Variants in MYH13 observed in about 807,000 individuals in gnomAD.
MYH13 encodes myosin-13.
In MYH13, 177 loss-of-function variants were observed where a neutral mutation model predicts 232.1. That is an observed-to-expected ratio of 0.76 (90% CI 0.67 to 0.86). MYH13 has a LOEUF of 0.86. Among genes scored for constraint, MYH13 ranks in the 40% least tolerant of loss-of-function variants. The pLI, the probability that MYH13 is intolerant of heterozygous loss-of-function variation, is 0.00. For synonymous variants in MYH13, 884 were observed against 923.5 expected, an observed-to-expected ratio of 0.96 and a Z score of 0.78; for missense variants, 2,246 against 2,405.9, an observed-to-expected ratio of 0.93 and a Z score of 1.39.
intron 18 of MYH13, among the ~76,000 whole-genome samples, chr17:10,336,456 G>A (rs1597382552): frequency 6.6e-6 from 1 of 152,140 alleles, no homozygotes. Context: ...GAAATATGCT[G>A]TATCTTATGA....
chr17:10,372,180 A>T lies in MYH13; in HGVS notation c.-64+799T>A, dbSNP rs80066178. Among the ~76,000 whole-genome samples, 445 of 152,326 alleles carry T rather than the reference A, an allele frequency of 2.9e-3. 19 individuals carry two copies. In the East Asian group the frequency reaches 0.067, roughly 23 times the overall value. ...ATTTCTTAAAAAATTAAAGTATTACATACTATATTCTGAATCCTCAATTTA... is the reference window on the plus strand; with the variant it reads ...ATTTCTTAAAAAATTAAAGTATTACTTACTATATTCTGAATCCTCAATTTA... On this transcript the variant is annotated intron_variant, in intron 1 of 40. Coordinates refer to ENST00000252172, the MANE Select transcript of MYH13 (RefSeq NM_003802.3).
intron 39 of MYH13, among the ~76,000 whole-genome samples, chr17:10,302,448 G>C (rs1906127095): frequency 6.6e-6 from 1 of 152,138 alleles, no homozygotes; most frequent in African/African-American, 2.4e-5. Context: ...CTTCCACTTT[G>C]TAGAGTTGAT....
intron 11 of MYH13, 146 bp from the exon 12 acceptor site, chr17:10,350,840 A>T: frequency 2.0e-6 from 2 of 1,006,362 alleles, no homozygotes; most frequent in Non-Finnish European, 3.0e-6. Flanking sequence ...GATGTGGTAA[A>T]TTAGAAACCA....
Position 10,362,981 on chromosome 17 carries a change from C to T in MYH13, c.205-478G>A, listed in dbSNP as rs372920809. ...CTCAGCTCTAGCACCAACTCTTCCACGACCCATCTCCTCTCTCCCCTATTG... is the reference window on the plus strand; with the variant it reads ...CTCAGCTCTAGCACCAACTCTTCCATGACCCATCTCCTCTCTCCCCTATTG... On this transcript the variant is annotated intron_variant, in intron 3 of 40. Transcript: ENST00000252172. Among the ~76,000 whole-genome samples, 32 of 152,280 alleles carry T rather than the reference C, an allele frequency of 2.1e-4. No homozygotes were observed. In the South Asian group the frequency reaches 3.3e-3, roughly 16 times the overall value.
Position 10,319,066 on chromosome 17 carries a change from C to T in MYH13, c.3462G>A (p.Leu1154=). 1 of 1,614,166 alleles carries T rather than the reference C, an allele frequency of 6.2e-7. No homozygotes were observed. The highest frequency in any genetic ancestry group is 8.5e-7 in the Non-Finnish European group (1 of 1,180,038). ...ARELEEISER[L]EEASGATSAQ... ...CTGAAGTGGCCCCACTGGCTTCTTC[C>T]AGCCTCTCGCTGATCTCCTCCAGTT... The change falls in exon 27 of 41, where the codon CTG becomes CTA. Residue 1154 remains leucine (L), a synonymous_variant. Transcript: ENST00000252172.
chr17:10,372,107 C>T (rs2142155648), intron 1 of MYH13, among the ~76,000 whole-genome samples: 1 of 152,294 alleles, frequency 6.6e-6, no homozygotes, highest in South Asian at 2.1e-4. Flanking sequence ...CCTTCTCCGT[C>T]TTTAATGCAT....
At chr17:10,354,125 G>A (rs897264981) in intron 11 of MYH13, among the ~76,000 whole-genome samples, 4 of 152,310 alleles carry the variant, frequency 2.6e-5, no homozygotes, top group African/African-American at 9.6e-5. Flanking sequence ...CCTGGCACAT[G>A]TAAGTGCTCA....
At chr17:10,366,202 G>T (rs12951469) in intron 2 of MYH13, among the ~76,000 whole-genome samples, 24,506 of 150,990 alleles carry the variant, frequency 0.16, 2,418 homozygotes, top group Non-Finnish European at 0.23. Flanking sequence ...ATTCCCCCTC[G>T]GCACCTCTTC....
In MYH13 at chr17:10,344,030, T is replaced by G. The variant is rs1368026148; in HGVS notation, c.1664A>C (p.Tyr555Ser). The change falls in exon 16 of 41, where the codon TAT becomes TCT. Residue 555 changes from tyrosine to serine, a missense_variant. Coordinates refer to ENST00000252172, the MANE Select transcript of MYH13 (RefSeq NM_003802.3). ...ATDTSFKNKLYDQHLGKSNNF... is the reference protein window; with the variant it reads ...ATDTSFKNKLSDQHLGKSNNF... ...GTTGGATTTTCCAAGATGCTGGTCA[T>G]ACAGCTTGTTCTTGAAGGAGGTGTC... The G allele has an allele frequency of 1.2e-5, 20 of 1,614,144 alleles. No homozygotes were observed. Among genetic ancestry groups the G allele is most frequent in the Non-Finnish European group, 1.7e-5 (20 of 1,180,064 alleles).
At chr17:10,301,947 A>G (rs527305925) in intron 39 of MYH13, among the ~76,000 whole-genome samples, 1 of 152,112 alleles carries the variant, frequency 6.6e-6, no homozygotes, top group East Asian at 1.9e-4. Context: ...GTTCCCTTGA[A>G]TCTCTTCTAT....
rs367925266 is a variant in MYH13 at position 10,306,440 on chromosome 17, G to A, written c.5466+19C>T. The A allele has an allele frequency of 1.2e-6, 2 of 1,614,034 alleles. No homozygotes were observed. Among genetic ancestry groups the A allele is most frequent in the Non-Finnish European group, 1.7e-6 (2 of 1,179,946 alleles). On this transcript the variant is annotated intron_variant, in intron 37 of 40. Coordinates refer to ENST00000252172, the MANE Select transcript of MYH13 (RefSeq NM_003802.3). This position sits in a 1 kb window ranked among gnomAD's most constrained non-coding sequence, Gnocchi z 4.3. ...CGAGGCTGTCACTTTCAGAGTAACA[G>A]TCCTCTCAAAAACTCTACCCGGTTC...
rs1191748192 is a variant in MYH13, at chr17:10,306,805, A to G, written c.5295+134T>C. 6.5e-7 allele frequency: 1 copy of G among 1,541,870 alleles called. No homozygotes were observed. The highest frequency in any genetic ancestry group is 8.7e-7 in the Non-Finnish European group (1 of 1,146,732). On this transcript the variant is annotated intron_variant, in intron 36 of 40. Coordinates refer to ENST00000252172, the MANE Select transcript of MYH13 (RefSeq NM_003802.3). The surrounding 1 kb of genome is among the most constrained non-coding windows in gnomAD (Gnocchi z 4.3). ...TTTGCCACTGCTGAGACTGTACCTCATTACATCTGTCTGGGAAGCCACCAC... is the reference window on the plus strand; with the variant it reads ...TTTGCCACTGCTGAGACTGTACCTCGTTACATCTGTCTGGGAAGCCACCAC...
In MYH13 at chr17:10,319,734, G is replaced by A. The variant is rs1474257745; in HGVS notation, c.3348+419C>T. 2.0e-5 allele frequency among the ~76,000 whole-genome samples: 3 copies of A among 152,142 alleles called. No individual in the cohort carries two copies. The East Asian group carries it at 5.8e-4, about 29-fold the overall frequency. On this transcript the variant is annotated intron_variant, in intron 26 of 40. Coordinates refer to ENST00000252172, the MANE Select transcript of MYH13 (RefSeq NM_003802.3). Reference sequence around the variant, plus strand: ...CAGAGTGATACTCTCAGTGTGATATGCTAAGAATATGAAGAAACAAGAACC... The same window carrying A: ...CAGAGTGATACTCTCAGTGTGATATACTAAGAATATGAAGAAACAAGAACC...
chr17:10,309,298 G>C lies in MYH13; in HGVS notation c.5105C>G (p.Thr1702Ser), dbSNP rs765333403. 1.2e-6 allele frequency: 2 copies of C among 1,613,924 alleles called. No homozygotes were observed. The highest frequency in any genetic ancestry group is 1.1e-5 in the South Asian group (1 of 91,082). The change falls in exon 35 of 41, where the codon ACC becomes AGC. Residue 1702 changes from threonine to serine, a missense_variant. By Grantham distance (58) the Thr-to-Ser change is moderately conservative. Coordinates refer to ENST00000252172, the MANE Select transcript of MYH13 (RefSeq NM_003802.3). Reference sequence around the variant, plus strand: ...CAGCTCCTGCTCTGACAGCCTGCGGGTCCGCTCCGTCTGTTCCAGGGCCAC... The same window carrying C: ...CAGCTCCTGCTCTGACAGCCTGCGGCTCCGCTCCGTCTGTTCCAGGGCCAC... ...MKVALEQTER[T>S]RRLSEQELLD...
intron 23 of MYH13, among the ~76,000 whole-genome samples, chr17:10,321,945 G>A (rs1168803721): frequency 6.6e-6 from 1 of 152,156 alleles, no homozygotes; most frequent in Non-Finnish European, 1.5e-5. Flanking sequence ...ATTTTACAAG[G>A]AAGGGCGCTT....
intron 16 of MYH13, 53 bp from the exon 17 acceptor site, chr17:10,340,454 T>C: frequency 6.9e-7 from 1 of 1,456,812 alleles, no homozygotes. Context: ...GACCCAGCAG[T>C]GGGCTTCCTG....
intron 3 of MYH13, among the ~76,000 whole-genome samples, chr17:10,364,067 C>A (rs12950630): frequency 0.16 from 24,878 of 152,108 alleles, 2,442 homozygotes; most frequent in Non-Finnish European, 0.23. Flanking sequence ...ATAGACCAAC[C>A]TTTTCTGCCC....
rs1201973585 is a variant in MYH13 at position 10,343,827 on chromosome 17, A to G, written c.1867T>C (p.Phe623Leu). 2 of 1,606,884 alleles carry G rather than the reference A, an allele frequency of 1.2e-6. No individual in the cohort carries two copies. Among genetic ancestry groups the G allele is most frequent in the South Asian group, 1.1e-5 (1 of 90,618 alleles). The change falls in exon 16 of 41, where the codon TTT (phenylalanine) becomes CTT (leucine). Residue 623 changes from phenylalanine to leucine, a missense_variant. Physicochemically the swap from Phe to Leu is conservative, Grantham distance 22 (BLOSUM62 0). Transcript: ENST00000252172. ...GTCTCTGCACCAGCATAGTTGGAAA[A>G]AAGGAAGGAGAGAAGCTTCAGCGAA... ...KSSLKLLSFL[F>L]SNYAGAETGD... is the part of the protein sequence containing the mutation.
rs774959210 is a variant in MYH13, at chr17:10,312,590, TG to T, written c.4348del (p.Gln1450ArgfsTer39). 109 of 1,612,740 alleles carry T rather than the reference TG, an allele frequency of 6.8e-5. No homozygotes were observed. Among genetic ancestry groups the T allele is most frequent in the Non-Finnish European group, 9.2e-5 (108 of 1,179,488 alleles). ...HTACATLDKK[Q>X]RNFDKVLAEW... is the part of the protein sequence containing the mutation. ...GGGAAGGACCTTGTCGAAGTTCCTC[TG>T]CTTCTTGTCCAGTGTGGCACAGGCG... On this transcript the variant is annotated frameshift_variant, in exon 31 of 41. Transcript: ENST00000252172. LOFTEE classifies it high-confidence loss of function.
Sources: allele counts gnomAD v4.1 joint callset (sites outside exome capture counted in the v4.1 genomes callset), GRCh38; gene constraint gnomAD v4.1.1; non-coding constraint Gnocchi (gnomAD v3.1); transcripts MANE v1.5; gene names NCBI Gene and HGNC (gene_info 2026-07-23, HGNC 2026-07-21).